The following SLC1A2 variants were observed in gnomAD, a reference collection of about 807,000 sequenced individuals.
SLC1A2 encodes solute carrier family 1 member 2, also known as excitatory amino acid transporter 2.
In SLC1A2, 15 loss-of-function variants were observed where a neutral mutation model predicts 48.8. That is an observed-to-expected ratio of 0.31 (90% CI 0.21 to 0.47). The LOEUF is 0.47. Among genes scored for constraint, SLC1A2 ranks in the 20% least tolerant of loss-of-function variants. The probability of loss-of-function intolerance (pLI) is 0.99; values close to 1 mark genes in which losing one functional copy is unlikely to be tolerated. For missense variants in SLC1A2, 502 were observed against 730.5 expected, an observed-to-expected ratio of 0.69 and a Z score of 3.61; for synonymous variants, 279 against 272.6, an observed-to-expected ratio of 1.02 and a Z score of -0.23.
intron 9 of SLC1A2, among the ~76,000 whole-genome samples, chr11:35,279,476 C>T (rs1187268849): frequency 6.6e-6 from 1 of 152,228 alleles, no homozygotes; most frequent in Non-Finnish European, 1.5e-5. Context: ...GCCCTGCCTC[C>T]AAGAGTACCA....
intron 1 of SLC1A2, among the ~76,000 whole-genome samples, chr11:35,396,503 C>T (rs1448806027): frequency 1.8e-4 from 26 of 142,916 alleles, no homozygotes; most frequent in African/African-American, 4.2e-4. Context: ...TCATGTCCTT[C>T]GCCCACTTTT....
chr11:35,382,716 A>T (rs1382014923), intron 1 of SLC1A2, among the ~76,000 whole-genome samples: 1 of 152,124 alleles, frequency 6.6e-6, no homozygotes, highest in Non-Finnish European at 1.5e-5. Context: ...GAATCACTTG[A>T]ACCCAGGAGG....
chr11:35,412,653 G>A (rs1010086750), intron 1 of SLC1A2, among the ~76,000 whole-genome samples: 2 of 152,172 alleles, frequency 1.3e-5, no homozygotes, highest in African/African-American at 4.8e-5. Context: ...ACTCCTAGAG[G>A]GACAAGACCA....
At chr11:35,361,479 T>C (rs1853678565) in intron 1 of SLC1A2, among the ~76,000 whole-genome samples, 1 of 152,190 alleles carries the variant, frequency 6.6e-6, no homozygotes, top group South Asian at 2.1e-4. Flanking sequence ...AGGCCCTCTG[T>C]GTCCAGGCTG....
At chr11:35,340,630 C>A (rs745773546) in intron 1 of SLC1A2, among the ~76,000 whole-genome samples, 5 of 152,138 alleles carry the variant, frequency 3.3e-5, no homozygotes, top group Non-Finnish European at 5.9e-5. Flanking sequence ...AAGATTGTAG[C>A]GTAAATTAGA....
intron 1 of SLC1A2, among the ~76,000 whole-genome samples, chr11:35,329,214 A>G (rs1198696882): frequency 2.0e-5 from 3 of 152,254 alleles, no homozygotes; most frequent in African/African-American, 7.2e-5. Context: ...ATGGAGGGGC[A>G]TGGTGCTGAA....
intron 10 of SLC1A2, among the ~76,000 whole-genome samples, chr11:35,263,614 G>C (rs1182691045): frequency 6.6e-6 from 1 of 152,120 alleles, no homozygotes; most frequent in Non-Finnish European, 1.5e-5. Flanking sequence ...GGCCTCTTGA[G>C]AAATTCCAAA....
chr11:35,307,667 C>T (rs1008849586), intron 4 of SLC1A2, among the ~76,000 whole-genome samples: 5 of 152,214 alleles, frequency 3.3e-5, no homozygotes, highest in South Asian at 4.1e-4. Context: ...GAGTTATGGG[C>T]AGAACTGGGA....
At chr11:35,395,509 G>A (rs2135254303) in intron 1 of SLC1A2, among the ~76,000 whole-genome samples, 1 of 152,062 alleles carries the variant, frequency 6.6e-6, no homozygotes, top group African/African-American at 2.4e-5. Flanking sequence ...CGGAAGGAGA[G>A]GCCCATGGGG....
At chr11:35,328,667 T>C (rs1487424717) in intron 1 of SLC1A2, among the ~76,000 whole-genome samples, 1 of 152,160 alleles carries the variant, frequency 6.6e-6, no homozygotes, top group East Asian at 1.9e-4. Flanking sequence ...ATGCTAGCAA[T>C]AGACATCGAC....
chr11:35,282,421 A>G (rs1850671642), intron 8 of SLC1A2, among the ~76,000 whole-genome samples: 1 of 152,150 alleles, frequency 6.6e-6, no homozygotes, highest in African/African-American at 2.4e-5. Context: ...TAGTAATGGT[A>G]TCTCTCTCAT....
chr11:35,256,870 A>T lies in SLC1A2; in HGVS notation c.*4024T>A, dbSNP rs1043543050. ...TAGTCATCAAACTAGATGAGAGCTA[A>T]TGAGACTTGTTTTTCAGGAGTCAGA... On this transcript the variant is annotated 3_prime_UTR_variant, in exon 11 of 11. Coordinates refer to ENST00000278379, the MANE Select transcript of SLC1A2 (RefSeq NM_004171.4). 4 of 152,164 alleles carry T rather than the reference A, an allele frequency of 2.6e-5. No homozygotes were observed. The highest frequency in any genetic ancestry group is 9.7e-5 in the African/African-American group (4 of 41,444). 9.4% of individuals were successfully genotyped at this position (152,164 alleles called of 1,614,324 possible).
At chr11:35,359,657 T>C (rs1853606254) in intron 1 of SLC1A2, among the ~76,000 whole-genome samples, 2 of 152,370 alleles carry the variant, frequency 1.3e-5, no homozygotes, top group South Asian at 2.1e-4. Flanking sequence ...CTTCCATTAA[T>C]TCATTAATTC....
intron 1 of SLC1A2, among the ~76,000 whole-genome samples, chr11:35,335,669 C>A (rs1232852602): frequency 6.6e-6 from 1 of 152,130 alleles, no homozygotes; most frequent in African/African-American, 2.4e-5. Context: ...CAAGCAAAAT[C>A]TGATCCAGTC....
At chr11:35,346,843 G>T (rs1050788093) in intron 1 of SLC1A2, among the ~76,000 whole-genome samples, 5 of 152,258 alleles carry the variant, frequency 3.3e-5, no homozygotes, top group Admixed American at 6.5e-5. Context: ...GCCAAGGCAT[G>T]GGAGCAGGAC....
At chr11:35,283,620 A>C (rs1284182220) in intron 8 of SLC1A2, among the ~76,000 whole-genome samples, 1 of 152,176 alleles carries the variant, frequency 6.6e-6, no homozygotes, top group Admixed American at 6.5e-5. Flanking sequence ...GTTCCCATCT[A>C]ATAGTGGGAA....
intron 3 of SLC1A2, among the ~76,000 whole-genome samples, chr11:35,314,785 C>T (rs1231804084): frequency 4.3e-5 from 6 of 141,046 alleles, no homozygotes; most frequent in East Asian, 4.0e-4. Context: ...CTTTTCTTTT[C>T]TTTTTTTTTT....
chr11:35,375,643 CCCAG>C lies in SLC1A2; in HGVS notation c.17+43303_17+43306del, dbSNP rs570077057. Among the ~76,000 whole-genome samples, 3 of 152,250 alleles carry C rather than the reference CCCAG, an allele frequency of 2.0e-5. No homozygotes were observed. The East Asian group carries it at 5.8e-4, about 29-fold the overall frequency. Reference sequence around the variant, plus strand: ...GGCCACGAGAACCATGTCTAAAAACCCCAGGTCCTTGCTGCAAAGTCGTCACTCT... The same window carrying C: ...GGCCACGAGAACCATGTCTAAAAACCGTCCTTGCTGCAAAGTCGTCACTCT... On this transcript the variant is annotated intron_variant, in intron 1 of 10. Transcript: ENST00000278379.
chr11:35,319,677 A>G (rs1354525737), intron 1 of SLC1A2, among the ~76,000 whole-genome samples: 1 of 152,214 alleles, frequency 6.6e-6, no homozygotes, highest in East Asian at 1.9e-4. Context: ...TACACACCCA[A>G]CCTGGCAATG....
Sources: allele counts gnomAD v4.1 joint callset (sites outside exome capture counted in the v4.1 genomes callset), GRCh38; gene constraint gnomAD v4.1.1; transcripts MANE v1.5; gene names NCBI Gene and HGNC (gene_info 2026-07-23, HGNC 2026-07-21).